Variants in UTRN observed in about 807,000 individuals in gnomAD.
UTRN encodes the protein utrophin, also known as dystrophin-related protein 1.
A neutral mutation model predicts 463.9 loss-of-function variants in UTRN; 283 were observed. The observed-to-expected ratio is 0.61, with a 90% confidence interval of 0.55 to 0.67. The LOEUF is 0.67. UTRN is among the 30% of genes least tolerant of loss of function. UTRN has a pLI of 0.00. For missense variants in UTRN, 3,922 were observed against 4,084.3 expected (o/e 0.96, Z 1.08); for synonymous variants, 1,442 against 1,431.5 (o/e 1.01, Z -0.17).
rs1398175455 is a variant in UTRN, at chr6:144,700,177, G to C, written c.7743G>C (p.Glu2581Asp). 6.2e-7 allele frequency: 1 copy of C among 1,613,556 alleles called. No individual in the cohort carries two copies. The highest frequency in any genetic ancestry group is 8.5e-7 in the Non-Finnish European group (1 of 1,179,652). ...LIKWLNMKDEELKKQMPIGGD... is the reference protein window; with the variant it reads ...LIKWLNMKDEDLKKQMPIGGD... ...AATGGCTGAATATGAAAGATGAAGAGCTTAAGAAACAAATGCCTATTGGAG... is the reference window on the plus strand; with the variant it reads ...AATGGCTGAATATGAAAGATGAAGACCTTAAGAAACAAATGCCTATTGGAG... Residue 2581 changes from glutamate to aspartate, a missense_variant, in exon 53 of 75, where the codon GAG (glutamate) becomes GAC (aspartate). By Grantham distance (45) the Glu-to-Asp change is conservative. This residue lies in a region of UTRN where 1,309 missense variants were observed against 1,452.6 expected (regional missense o/e 0.90). Coordinates refer to ENST00000367545, the MANE Select transcript of UTRN (RefSeq NM_007124.3).
At chr6:144,472,418 A>G (rs181227302) in intron 23 of UTRN, among the ~76,000 whole-genome samples, 1 of 152,196 alleles carries the variant, frequency 6.6e-6, no homozygotes, top group African/African-American at 2.4e-5. Flanking sequence ...ATGCTCACAA[A>G]TGAACATTCT....
intron 54 of UTRN, among the ~76,000 whole-genome samples, chr6:144,746,471 C>T (rs558610624): frequency 3.9e-5 from 6 of 152,060 alleles, no homozygotes; most frequent in South Asian, 2.1e-4. Flanking sequence ...CTCTAATTCA[C>T]TTATTTTTTT....
At chr6:144,616,771 A>C (rs1249010001) in intron 51 of UTRN, among the ~76,000 whole-genome samples, 1 of 152,110 alleles carries the variant, frequency 6.6e-6, no homozygotes, top group African/African-American at 2.4e-5. Flanking sequence ...CTCATTGTAC[A>C]GTCTCTCTGA....
chr6:144,344,284 A>G (rs1777389743), intron 2 of UTRN: 8 of 1,304,188 alleles, frequency 6.1e-6, no homozygotes, highest in Non-Finnish European at 8.1e-6. Context: ...GTAGCTCTCC[A>G]GGCTTGCAAG....
chr6:144,337,421 A>G (rs1776821055), intron 2 of UTRN, among the ~76,000 whole-genome samples: 1 of 152,140 alleles, frequency 6.6e-6, no homozygotes, highest in African/African-American at 2.4e-5. Context: ...TTCTTGAGAA[A>G]GGTTATAATT....
rs542910352 is a variant in UTRN, at chr6:144,510,876, T to C, written c.4765-68T>C. 2.3e-6 allele frequency: 3 copies of C among 1,321,538 alleles called. No individual in the cohort carries two copies. In the East Asian group the frequency reaches 8.1e-5, roughly 36 times the overall value. 81.9% of individuals were successfully genotyped at this position (1,321,538 alleles called of 1,614,324 possible). ...TATGTGGCAGAAAAGTTTTTAATAA[T>C]TTAAGGTTGTATATACTTTTATAAT... On this transcript the variant is annotated intron_variant, in intron 34 of 74. Coordinates refer to ENST00000367545, the MANE Select transcript of UTRN (RefSeq NM_007124.3).
chr6:144,824,568 TTATTTATA>T lies in UTRN; in HGVS notation c.9495-2776_9495-2769del, dbSNP rs1211644728. On this transcript the variant is annotated intron_variant, in intron 66 of 74. Coordinates refer to ENST00000367545, the MANE Select transcript of UTRN (RefSeq NM_007124.3). ...TATGTATATATATTAATATAGCATT[TTATTTATA>T]TATATATATATATATATATATATAT... Among the ~76,000 whole-genome samples, 183 of 69,054 alleles carry T rather than the reference TTATTTATA, an allele frequency of 2.7e-3. 1 individual carries two copies. Among genetic ancestry groups the T allele is most frequent in the East Asian group, 0.026 (47 of 1,836 alleles). 45.3% of individuals were successfully genotyped at this position (69,054 alleles called of 152,430 possible). A position where few individuals can be genotyped will look rare whatever the true frequency, so the allele number is the denominator to read the frequency against.
intron 22 of UTRN, 97 bp from the exon 23 acceptor site, chr6:144,462,557 C>A: frequency 8.8e-7 from 1 of 1,135,922 alleles, no homozygotes; most frequent in Non-Finnish European, 1.2e-6. Context: ...CTTTCTAATG[C>A]ATTTTAAAGT....
intron 25 of UTRN, among the ~76,000 whole-genome samples, chr6:144,477,562 G>GCA (rs1465274567): frequency 1.5e-5 from 2 of 129,160 alleles, no homozygotes; most frequent in South Asian, 5.5e-4. Flanking sequence ...ACACACACAC[G>GCA]CACACACCCT....
In UTRN at chr6:144,659,669, G is replaced by T. The variant is rs559189517; in HGVS notation, c.7480-18737G>T. ...TCAGCTAAGAGTACACTCCTCCTTC[G>T]AACTCTACATAAGTCATGCTCTTTG... On this transcript the variant is annotated intron_variant, in intron 51 of 74. Transcript: ENST00000367545. Among the ~76,000 whole-genome samples, 78 of 151,626 alleles carry T rather than the reference G, an allele frequency of 5.1e-4. 1 individual carries two copies. In the South Asian group the frequency reaches 0.016, roughly 31 times the overall value.
At chr6:144,362,007 A>C (rs536869374) in intron 2 of UTRN, among the ~76,000 whole-genome samples, 1 of 152,132 alleles carries the variant, frequency 6.6e-6, no homozygotes, top group African/African-American at 2.4e-5. Context: ...ATCAAAGCCA[A>C]ATTCATCATA....
chr6:144,764,859 G>T (rs935320288), intron 58 of UTRN, among the ~76,000 whole-genome samples: 3 of 152,058 alleles, frequency 2.0e-5, no homozygotes, highest in Admixed American at 6.6e-5. Context: ...TACAAATCCA[G>T]CTTTTAAAAG....
chr6:144,593,644 G>A (rs1444414913), intron 51 of UTRN, among the ~76,000 whole-genome samples: 1 of 152,142 alleles, frequency 6.6e-6, no homozygotes, highest in Non-Finnish European at 1.5e-5. Context: ...CTTGGCCTTA[G>A]GCTGCCTGTC....
chr6:144,669,640 A>G (rs919461428), intron 51 of UTRN, among the ~76,000 whole-genome samples: 2 of 152,102 alleles, frequency 1.3e-5, no homozygotes, highest in Non-Finnish European at 2.9e-5. Flanking sequence ...GGTTACATCC[A>G]TAAATTCTTT....
chr6:144,756,125 G>A (rs1257434510), intron 57 of UTRN, among the ~76,000 whole-genome samples: 3 of 152,088 alleles, frequency 2.0e-5, no homozygotes, highest in African/African-American at 7.2e-5. Context: ...CATCAATGTT[G>A]ATGAAGTAAA....
Position 144,537,592 on chromosome 6 carries a change from G to C in UTRN, c.6244G>C (p.Glu2082Gln). 6.3e-6 allele frequency: 10 copies of C among 1,582,374 alleles called. No individual in the cohort carries two copies. The South Asian group carries it at 9.5e-5, about 15-fold the overall frequency. Residue 2082 changes from glutamate (E) to glutamine (Q), a missense_variant, in exon 44 of 75, where the codon GAA (glutamate) becomes CAA (glutamine). Physicochemically the swap from Glu to Gln is conservative, Grantham distance 29. Transcript: ENST00000367545. Reference protein sequence around the residue: ...VKDRQPRLKGESKQVMKYRHQ... With the variant: ...VKDRQPRLKGQSKQVMKYRHQ... Reference sequence around the variant, plus strand: ...AATATATTCTTTTAGGCTAAAAGGAGAAAGTAAGCAGGTGATGAAGTACAG... The same window carrying C: ...AATATATTCTTTTAGGCTAAAAGGACAAAGTAAGCAGGTGATGAAGTACAG...
In UTRN at chr6:144,421,549, C is replaced by T. The variant is rs567451431; in HGVS notation, c.142-329C>T. 6.9e-4 allele frequency among the ~76,000 whole-genome samples: 105 copies of T among 151,634 alleles called. 1 individual carries two copies. The Middle Eastern group carries it at 0.017, about 25-fold the overall frequency. The stretch of plus-strand genomic sequence containing the variant: ...CTAAAAATATAAAAAATTAGCTGGG[C>T]GTGGTGGCGGGCGCCTGTAGTCCCA... On this transcript the variant is annotated intron_variant, in intron 3 of 74. Coordinates refer to ENST00000367545, the MANE Select transcript of UTRN (RefSeq NM_007124.3).
intron 47 of UTRN, among the ~76,000 whole-genome samples, chr6:144,549,760 CAT>C (rs1798735303): frequency 6.6e-6 from 1 of 152,132 alleles, no homozygotes; most frequent in South Asian, 2.1e-4. Flanking sequence ...TGAATAAAGT[CAT>C]GTGGTACAGG....
At chr6:144,642,466 A>G (rs2128662126) in intron 51 of UTRN, among the ~76,000 whole-genome samples, 1 of 152,244 alleles carries the variant, frequency 6.6e-6, no homozygotes, top group Non-Finnish European at 1.5e-5. Flanking sequence ...ATTTTTGAGA[A>G]GTTTTGTGCT....
Sources: allele counts gnomAD v4.1 joint callset (sites outside exome capture counted in the v4.1 genomes callset), GRCh38; gene constraint gnomAD v4.1.1; regional missense constraint gnomAD v4.1.1; transcripts MANE v1.5; gene names NCBI Gene and HGNC (gene_info 2026-07-23, HGNC 2026-07-21).